LGALS8: variants seen among roughly 807,000 people sequenced by gnomAD.
LGALS8 encodes the protein galectin 8, also known as galectin-8.
In LGALS8, 30 loss-of-function variants were observed where a neutral mutation model predicts 35.9. The ratio of observed to expected loss-of-function variants is 0.83; its 90% CI spans 0.62 to 1.13. The LOEUF (loss-of-function observed/expected upper bound fraction) is 1.13. Ranked by LOEUF, LGALS8 falls within the 50% of genes most tolerant of loss-of-function variation. The pLI is 0.00. For missense variants in LGALS8, 366 were observed against 388.7 expected (o/e 0.94, Z 0.49); for synonymous variants, 138 against 136.1 (o/e 1.01, Z -0.10).
chr1:236,547,825 A>G (rs1324645619), intron 9 of LGALS8, among the ~76,000 whole-genome samples, 187 bp from the exon 10 acceptor site: 2 of 152,038 alleles, frequency 1.3e-5, no homozygotes, highest in Non-Finnish European at 2.9e-5. Context: ...GGGATGAGGC[A>G]GACAGTGCCA....
At position 236,537,538 on chromosome 1, in the gene LGALS8, T is replaced by A. The variant is rs1358949977; in HGVS notation, c.87T>A (p.Pro29=). ...GCACCATTCCTGATCAGCTGGATCC[T>A]GGAACTTTGATTGTGATACGTGGGC... ...FVGTIPDQLD[P]GTLIVIRGHV... is the part of the protein sequence containing the mutation. Residue 29 remains proline, a synonymous_variant, in exon 3 of 10, where the codon CCT becomes CCA. Transcript: ENST00000366584. The A allele has an allele frequency of 1.2e-6, 2 of 1,606,738 alleles. No individual in the cohort carries two copies. Among genetic ancestry groups the A allele is most frequent in the Non-Finnish European group, 1.7e-6 (2 of 1,173,094 alleles).
upstream of LGALS8, among the ~76,000 whole-genome samples, chr1:236,518,989 C>G (rs550640719): frequency 4.6e-5 from 7 of 152,202 alleles, no homozygotes; most frequent in African/African-American, 1.4e-4. Flanking sequence ...ATCAGTTAAC[C>G]CTGCTAAGTA....
At chr1:236,532,318 A>G (rs1661194172) in intron 2 of LGALS8, among the ~76,000 whole-genome samples, 1 of 151,764 alleles carries the variant, frequency 6.6e-6, no homozygotes. Flanking sequence ...CATACCTCCT[A>G]ATTTTAGAAA....
chr1:236,538,971 T>C lies in LGALS8; in HGVS notation c.227T>C (p.Ile76Thr). 1.2e-6 allele frequency: 2 copies of C among 1,614,142 alleles called. No individual in the cohort carries two copies. The highest frequency in any genetic ancestry group is 1.3e-5 in the African/African-American group (1 of 75,040). ...FNPRFKRAGCIVCNTLINEKW... is the reference protein window; with the variant it reads ...FNPRFKRAGCTVCNTLINEKW... The stretch of plus-strand genomic sequence containing the variant: ...CCTCGTTTCAAAAGGGCCGGCTGCA[T>C]TGTTTGCAATACTTTGATAAATGAA... The change falls in exon 4 of 10, where the codon ATT (isoleucine) becomes ACT (threonine). Residue 76 changes from isoleucine (I) to threonine (T), a missense_variant. Physicochemically the swap from Ile to Thr is moderately conservative, Grantham distance 89. Coordinates refer to ENST00000366584, the MANE Select transcript of LGALS8 (RefSeq NM_201544.4).
intron 1 of LGALS8, 168 bp downstream of exon 1, chr1:236,524,229 G>A (rs1449247828): frequency 2.2e-6 from 1 of 456,216 alleles, no homozygotes; most frequent in East Asian, 7.0e-5. Flanking sequence ...CCTCACCGCG[G>A]CAGAGCCGGG....
chr1:236,538,089 A>T (rs1364389181), intron 3 of LGALS8, among the ~76,000 whole-genome samples: 1 of 128,940 alleles, frequency 7.8e-6, no homozygotes, highest in African/African-American at 3.6e-5. Context: ...TGGGTGACAA[A>T]AAAAAAAAAG....
intron 2 of LGALS8, among the ~76,000 whole-genome samples, chr1:236,534,782 G>A (rs906167564): frequency 5.9e-5 from 9 of 151,904 alleles, no homozygotes; most frequent in East Asian, 1.9e-4. Flanking sequence ...GGCCGGGTGC[G>A]GTAGCTTCTC....
At chr1:236,528,671 C>A (rs1660968322) in intron 2 of LGALS8, among the ~76,000 whole-genome samples, 1 of 149,210 alleles carries the variant, frequency 6.7e-6, no homozygotes, top group South Asian at 2.1e-4. Flanking sequence ...ATAGCTGGGA[C>A]TACAGGCATG....
At chr1:236,537,614 A>AT in intron 3 of LGALS8, 29 bp downstream of exon 3, 1 of 1,433,026 alleles carries the variant, frequency 7.0e-7, no homozygotes, top group Non-Finnish European at 9.9e-7. Flanking sequence ...AGGAAGGAGC[A>AT]TGAATAGGCT....
intron 2 of LGALS8, among the ~76,000 whole-genome samples, chr1:236,535,473 T>C (rs891129604): frequency 4.3e-5 from 4 of 93,134 alleles, no homozygotes; most frequent in Admixed American, 2.0e-4. Context: ...TTCTCACTTA[T>C]ATTACTAACT....
intron 2 of LGALS8, among the ~76,000 whole-genome samples, chr1:236,530,285 A>G (rs1369548305): frequency 6.6e-6 from 1 of 152,096 alleles, no homozygotes; most frequent in Non-Finnish European, 1.5e-5. Context: ...TTACCTTACA[A>G]TTTAGTCTTA....
In LGALS8 at chr1:236,537,021, C is replaced by CTTTTTTTTTTTTTTTTT. The variant is rs60024224; in HGVS notation, c.46-463_46-462insTTTTTTTTTTTTTTTTT. On this transcript the variant is annotated intron_variant, in intron 2 of 9. Transcript: ENST00000366584. ...ATCCTGGCCATGAGGTATGCAGTTC[C>CTTTTTTTTTTTTTTTTT]TTTTTTTTTTTTTGAGACGGAGCCT... 6.2e-4 allele frequency among the ~76,000 whole-genome samples: 86 copies of CTTTTTTTTTTTTTTTTT among 137,868 alleles called. 9 individuals are homozygous for CTTTTTTTTTTTTTTTTT. The highest frequency in any genetic ancestry group is 2.3e-3 in the African/African-American group (78 of 34,444). The allele number at this position is 137,868 out of a possible 152,430, so 90.4% of individuals were successfully genotyped here. A position where few individuals can be genotyped will look rare whatever the true frequency, so the allele number is the denominator to read the frequency against.
Position 236,548,793 on chromosome 1 carries a change from CAT to C in LGALS8, c.*633_*634del, listed in dbSNP as rs1402667804. ...ACATCATTTTCTTTATCGTAATAAACATGTGGCTCTATTAGCTGCAAGCTTTA... is the reference window on the plus strand; with the variant it reads ...ACATCATTTTCTTTATCGTAATAAACGTGGCTCTATTAGCTGCAAGCTTTA... On this transcript the variant is annotated 3_prime_UTR_variant, in exon 10 of 10. Coordinates refer to ENST00000366584, the MANE Select transcript of LGALS8 (RefSeq NM_201544.4). 7.6e-6 allele frequency: 3 copies of C among 396,312 alleles called. No homozygotes were observed. The highest frequency in any genetic ancestry group is 2.1e-5 in the African/African-American group (1 of 48,686). The allele number at this position is 396,312 out of a possible 1,614,324, so 24.5% of individuals were successfully genotyped here. A position where few individuals can be genotyped will look rare whatever the true frequency, so the allele number is the denominator to read the frequency against.
chr1:236,529,438 C>T lies in LGALS8; in HGVS notation c.45+3323C>T, dbSNP rs140824034. Reference sequence around the variant, plus strand: ...CTCTACTAAAAATACAAAAATTAGCCGGGCATGGTGGCGGTGGCCTGTAAT... The same window carrying T: ...CTCTACTAAAAATACAAAAATTAGCTGGGCATGGTGGCGGTGGCCTGTAAT... On this transcript the variant is annotated intron_variant, in intron 2 of 9. Coordinates refer to ENST00000366584, the MANE Select transcript of LGALS8 (RefSeq NM_201544.4). 9.4e-3 allele frequency among the ~76,000 whole-genome samples: 1,419 copies of T among 151,716 alleles called. 10 individuals carry two copies. The highest frequency in any genetic ancestry group is 0.015 in the Non-Finnish European group (1,044 of 67,912).
intron 2 of LGALS8, among the ~76,000 whole-genome samples, chr1:236,531,621 G>T (rs1035331768): frequency 6.6e-6 from 1 of 152,052 alleles, no homozygotes; most frequent in African/African-American, 2.4e-5. Flanking sequence ...CACCGCGCCC[G>T]GCCCCATTTT....
At chr1:236,540,301 C>T (rs1007089225) in intron 4 of LGALS8, 1 of 359,046 alleles carries the variant, frequency 2.8e-6, no homozygotes, top group Non-Finnish European at 4.9e-6. Flanking sequence ...CGCACACAAG[C>T]ACACGCACAT....
At chr1:236,541,604 A>G in intron 5 of LGALS8, 50 bp from the exon 6 acceptor site, 1 of 981,090 alleles carries the variant, frequency 1.0e-6, no homozygotes, top group Non-Finnish European at 1.5e-6. Flanking sequence ...AATATTTAGA[A>G]AATATTTTCT....
Position 236,542,972 on chromosome 1 carries a change from A to G in LGALS8, c.549+185A>G, listed in dbSNP as rs202231056. 5.6e-6 allele frequency: 9 copies of G among 1,614,206 alleles called. No homozygotes were observed. In the Admixed American group the frequency reaches 6.7e-5, roughly 12 times the overall value. ...CGCACCCAGAACTGTCTACACCAAG[A>G]GCAAAGATTCGACTGTCAATCACAC... On this transcript the variant is annotated intron_variant, in intron 7 of 9. Coordinates refer to ENST00000366584, the MANE Select transcript of LGALS8 (RefSeq NM_201544.4).
At chr1:236,528,058 CAATT>C (rs1159026646) in intron 2 of LGALS8, among the ~76,000 whole-genome samples, 5 of 150,046 alleles carry the variant, frequency 3.3e-5, no homozygotes, top group African/African-American at 9.8e-5. Context: ...TAAAGATAAT[CAATT>C]AGTATATTTT....
Sources: gnomAD v4.1 joint callset for allele counts (sites outside exome capture counted in the v4.1 genomes callset) on GRCh38, gnomAD v4.1.1 for gene constraint, MANE v1.5 for transcripts, NCBI Gene and HGNC (gene_info 2026-07-23, HGNC 2026-07-21) for gene names.